The following PCDH7 variants were observed in gnomAD, a reference collection of about 807,000 sequenced individuals.
PCDH7 encodes protocadherin-7.
PCDH7 carries 17 observed loss-of-function variants against 58.9 expected under a neutral mutation model. The observed-to-expected ratio is 0.29, with a 90% CI of 0.20 to 0.43. PCDH7 has a LOEUF of 0.43. Among genes scored for constraint, PCDH7 ranks in the 20% least tolerant of loss-of-function variants. PCDH7 has a pLI of 1.00. For synonymous variants in PCDH7, 664 were observed against 616.4 expected (o/e 1.08, Z -1.14); for missense variants, 1,274 against 1,441.0 (o/e 0.88, Z 1.88).
At chr4:31,128,928 C>T (rs1425729323) in intron 3 of PCDH7, among the ~76,000 whole-genome samples, 1 of 152,106 alleles carries the variant, frequency 6.6e-6, no homozygotes, top group Non-Finnish European at 1.5e-5. Context: ...AAATACCAAA[C>T]AAAAAAGCAA....
intron 3 of PCDH7, among the ~76,000 whole-genome samples, chr4:30,984,399 C>G (rs1414973052): frequency 1.3e-5 from 2 of 152,162 alleles, no homozygotes; most frequent in Non-Finnish European, 2.9e-5. Flanking sequence ...ATTAGGAAAC[C>G]TATATTTGGT....
intron 3 of PCDH7, among the ~76,000 whole-genome samples, chr4:30,965,214 A>G (rs1281278459): frequency 1.3e-5 from 2 of 152,140 alleles, no homozygotes; most frequent in African/African-American, 2.4e-5. Flanking sequence ...AGAATAATAA[A>G]ATGTGATAAA....
chr4:30,754,109 A>T (rs937191447), intron 1 of PCDH7, among the ~76,000 whole-genome samples: 6 of 151,958 alleles, frequency 3.9e-5, no homozygotes, highest in African/African-American at 1.5e-4. Flanking sequence ...TTTATGAAGC[A>T]GGTAGCTTCT....
chr4:30,811,680 A>C (rs995252738), intron 1 of PCDH7, among the ~76,000 whole-genome samples: 2 of 152,182 alleles, frequency 1.3e-5, no homozygotes, highest in Non-Finnish European at 2.9e-5. Flanking sequence ...AGGAAAAATG[A>C]AATGTTTTAG....
chr4:31,113,649 T>C lies in PCDH7; in HGVS notation c.*8-28824T>C, dbSNP rs552835657. On this transcript the variant is annotated intron_variant, in intron 3 of 3. Transcript: ENST00000509759. ...AATAGTTTATTTTAATTTGTGTAGT[T>C]TCAAGAATTATCTTTATACATTTTC... 8.0e-4 allele frequency among the ~76,000 whole-genome samples: 122 copies of C among 152,180 alleles called. 1 individual carries two copies. Among genetic ancestry groups the C allele is most frequent in the African/African-American group, 2.7e-3 (114 of 41,546 alleles).
chr4:30,752,783 C>CAA (rs35860745), intron 1 of PCDH7, among the ~76,000 whole-genome samples: 42 of 99,496 alleles, frequency 4.2e-4, no homozygotes, highest in African/African-American at 6.4e-4. Flanking sequence ...CCTGTAGGGG[C>CAA]AAAAAAAAAA....
At chr4:31,004,960 G>GA (rs568328017) in intron 3 of PCDH7, among the ~76,000 whole-genome samples, 11 of 151,942 alleles carry the variant, frequency 7.2e-5, no homozygotes, top group South Asian at 4.2e-4. Context: ...AAACACACAC[G>GA]AAAAAAACAA....
rs1243163278 is a variant in PCDH7, at chr4:30,881,364, A to ACAAAG, written c.71-38785_71-38784insGCAAA. Among the ~76,000 whole-genome samples the ACAAAG allele has an allele frequency of 2.0e-5, 3 of 152,106 alleles. No individual in the cohort carries two copies. The East Asian group carries it at 5.8e-4, about 29-fold the overall frequency. On this transcript the variant is annotated intron_variant, in intron 1 of 3. Coordinates refer to the PCDH7 transcript ENST00000509759. ...CCATCTCAAAACAAAACAAAACAAA[A>ACAAAG]CAAAACCCAGAACAAACTATAAGTT...
intron 3 of PCDH7, among the ~76,000 whole-genome samples, chr4:31,074,940 CCTCCTA>C (rs1169859310): frequency 6.6e-6 from 1 of 151,946 alleles, no homozygotes; most frequent in African/African-American, 2.4e-5. Flanking sequence ...TTCTTCTTCT[CCTCCTA>C]CTCTAGTATA....
intron 1 of PCDH7, among the ~76,000 whole-genome samples, chr4:30,860,165 G>A (rs1734016596): frequency 6.6e-6 from 1 of 152,126 alleles, no homozygotes; most frequent in Admixed American, 6.5e-5. Context: ...AAAATTTAAG[G>A]TACAAAGAAG....
At chr4:30,899,786 C>T (rs1739971628) in intron 1 of PCDH7, among the ~76,000 whole-genome samples, 1 of 151,790 alleles carries the variant, frequency 6.6e-6, no homozygotes, top group Non-Finnish European at 1.5e-5. Flanking sequence ...GTGAGGTGGG[C>T]TGGGAATGGC....
Position 30,944,873 on chromosome 4 carries a change from G to C in PCDH7, c.288-5247G>C, listed in dbSNP as rs117686746. Among the ~76,000 whole-genome samples, 12 of 152,250 alleles carry C rather than the reference G, an allele frequency of 7.9e-5. No homozygotes were observed. In the East Asian group the frequency reaches 2.3e-3, roughly 29 times the overall value. On this transcript the variant is annotated intron_variant, in intron 2 of 3. Transcript: ENST00000509759. ...GTTATTAGCTTTTATAAAGGACATA[G>C]TGGGTTATGCTATTGTGGTTATACA...
At chr4:30,805,529 G>T (rs1246529445) in intron 1 of PCDH7, among the ~76,000 whole-genome samples, 3 of 152,248 alleles carry the variant, frequency 2.0e-5, no homozygotes, top group African/African-American at 7.2e-5. Context: ...CTCAATAACT[G>T]CTCATTATTA....
downstream of PCDH7, chr4:31,143,715 G>A (rs1720495253): frequency 6.6e-6 from 1 of 152,138 alleles, no homozygotes; most frequent in Non-Finnish European, 1.5e-5. Flanking sequence ...GCAGATCAGG[G>A]AAGTCATGAA....
intron 3 of PCDH7, among the ~76,000 whole-genome samples, chr4:31,041,724 A>C (rs952899725): frequency 6.6e-6 from 1 of 152,134 alleles, no homozygotes; most frequent in Admixed American, 6.6e-5. Flanking sequence ...CAATTTGTTT[A>C]TGTAGCGTTT....
chr4:31,077,624 AGGATGG>A (rs1759117980), intron 3 of PCDH7, among the ~76,000 whole-genome samples: 1 of 152,106 alleles, frequency 6.6e-6, no homozygotes, highest in South Asian at 2.1e-4. Flanking sequence ...TTTATGAGAT[AGGATGG>A]AAAGGGAGGT....
At chr4:30,737,138 G>T (rs1041761800), downstream of PCDH7, among the ~76,000 whole-genome samples, 1 of 152,108 alleles carries the variant, frequency 6.6e-6, no homozygotes, top group African/African-American at 2.4e-5. Flanking sequence ...ACCTTGTGAA[G>T]TCCCGTTCAA....
intron 3 of PCDH7, among the ~76,000 whole-genome samples, chr4:30,998,141 C>T (rs1343658238): frequency 6.6e-6 from 1 of 152,004 alleles, no homozygotes. Context: ...TTCTATTGCC[C>T]ATGTGCTCAT....
intron 2 of PCDH7, among the ~76,000 whole-genome samples, chr4:30,921,380 G>C (rs888116301): frequency 6.6e-6 from 1 of 151,960 alleles, no homozygotes; most frequent in Non-Finnish European, 1.5e-5. Flanking sequence ...TTATATATCC[G>C]TTTCTTTAGT....
Sources: gnomAD v4.1 joint callset for allele counts (sites outside exome capture counted in the v4.1 genomes callset) on GRCh38, gnomAD v4.1.1 for gene constraint, MANE v1.5 for transcripts, NCBI Gene and HGNC (gene_info 2026-07-23, HGNC 2026-07-21) for gene names.